PLXNA4: variants seen among roughly 807,000 people sequenced by gnomAD.
PLXNA4 encodes plexin A4.
In PLXNA4, 44 loss-of-function variants were observed where a neutral mutation model predicts 191.8. That is an observed-to-expected ratio of 0.23 (90% confidence interval 0.18 to 0.29). The LOEUF (loss-of-function observed/expected upper bound fraction) is 0.29. Among genes scored for constraint, PLXNA4 ranks in the 10% least tolerant of loss-of-function variants. The pLI is 1.00. For synonymous variants in PLXNA4, 1,082 were observed against 1,009.5 expected (o/e 1.07, Z -1.36); for missense variants, 1,800 against 2,488.8 (o/e 0.72, Z 5.89).
chr7:132,227,000 C>T (rs1321628365), intron 7 of PLXNA4, among the ~76,000 whole-genome samples: 1 of 152,252 alleles, frequency 6.6e-6, no homozygotes, highest in East Asian at 1.9e-4. Flanking sequence ...TTGCCCCCAA[C>T]AACAGGCAGC....
intron 1 of PLXNA4, among the ~76,000 whole-genome samples, chr7:132,520,038 G>A (rs2116353868): frequency 6.6e-6 from 1 of 152,330 alleles, no homozygotes; most frequent in Non-Finnish European, 1.5e-5. Flanking sequence ...CTTTGTGGAG[G>A]TGCAGGGCAG....
At chr7:132,579,668 G>A (rs1802365446), upstream of PLXNA4, among the ~76,000 whole-genome samples, 1 of 152,054 alleles carries the variant, frequency 6.6e-6, no homozygotes, top group Admixed American at 6.5e-5. Context: ...CCAAATGACA[G>A]GGAAGACACA....
chr7:132,223,494 A>C, intron 9 of PLXNA4, 33 bp downstream of exon 9: 1 of 1,551,100 alleles, frequency 6.4e-7, no homozygotes, highest in Non-Finnish European at 8.9e-7. Context: ...TCACAACAAG[A>C]GACACTCACC....
intron 3 of PLXNA4, among the ~76,000 whole-genome samples, chr7:132,330,231 G>A (rs1319138098): frequency 1.3e-5 from 2 of 152,234 alleles, no homozygotes; most frequent in Non-Finnish European, 2.9e-5. Flanking sequence ...TTTGGCTGGA[G>A]CTGAGTAGGG....
At chr7:132,564,200 TCTC>T (rs1801593173) in intron 1 of PLXNA4, among the ~76,000 whole-genome samples, 1 of 115,456 alleles carries the variant, frequency 8.7e-6, no homozygotes, top group African/African-American at 3.4e-5. Flanking sequence ...TCCCTCCTCT[TCTC>T]CTCCTCCTTC....
chr7:132,431,543 C>G (rs1795262299), intron 3 of PLXNA4, among the ~76,000 whole-genome samples: 1 of 152,202 alleles, frequency 6.6e-6, no homozygotes, highest in Non-Finnish European at 1.5e-5. Context: ...AGACGTGACT[C>G]AGAAGTTAAA....
intron 3 of PLXNA4, among the ~76,000 whole-genome samples, chr7:132,463,408 C>T (rs1796587744): frequency 6.6e-6 from 1 of 152,184 alleles, no homozygotes; most frequent in African/African-American, 2.4e-5. Context: ...GCTTTAATTT[C>T]CAGAGCCCTT....
intron 3 of PLXNA4, among the ~76,000 whole-genome samples, chr7:132,451,651 G>A (rs902900238): frequency 2.6e-5 from 4 of 152,214 alleles, no homozygotes; most frequent in Non-Finnish European, 5.9e-5. Flanking sequence ...AGTGAGCTGA[G>A]CTGTCATTGA....
intron 3 of PLXNA4, among the ~76,000 whole-genome samples, chr7:132,411,814 C>T (rs1469294145): frequency 1.3e-5 from 2 of 152,232 alleles, no homozygotes; most frequent in African/African-American, 4.8e-5. Flanking sequence ...GGAGCTTGGT[C>T]TCTCATTCAC....
intron 4 of PLXNA4, among the ~76,000 whole-genome samples, chr7:132,292,056 A>T (rs188068590): frequency 6.6e-4 from 100 of 152,234 alleles, no homozygotes; most frequent in African/African-American, 2.3e-3. Flanking sequence ...CAGCCTCCCA[A>T]AATGCTGGGA....
intron 31 of PLXNA4, among the ~76,000 whole-genome samples, chr7:132,132,776 T>C (rs538676310): frequency 1.3e-5 from 2 of 151,944 alleles, no homozygotes; most frequent in African/African-American, 4.8e-5. Flanking sequence ...AAAGAAGAAA[T>C]ACAGGAGAGA....
intron 5 of PLXNA4, among the ~76,000 whole-genome samples, chr7:132,228,965 C>T (rs889578116): frequency 1.3e-5 from 2 of 152,282 alleles, no homozygotes; most frequent in Admixed American, 6.5e-5. Context: ...TCTCTCCTGC[C>T]CACCCTAGGC....
chr7:132,637,527 G>T (rs1034853395), intron 2 of PLXNA4, among the ~76,000 whole-genome samples: 4 of 152,186 alleles, frequency 2.6e-5, no homozygotes, highest in Non-Finnish European at 4.4e-5. Flanking sequence ...TATTAGCAAA[G>T]ATGCCCCCAG....
chr7:132,230,767 T>G (rs1031522549), intron 5 of PLXNA4, among the ~76,000 whole-genome samples: 15 of 152,230 alleles, frequency 9.9e-5, no homozygotes, highest in African/African-American at 3.4e-4. Flanking sequence ...AATTATTCAC[T>G]GACTCCCCAA....
At chr7:132,303,951 G>A (rs887899036) in intron 3 of PLXNA4, among the ~76,000 whole-genome samples, 4 of 152,208 alleles carry the variant, frequency 2.6e-5, no homozygotes, top group African/African-American at 9.7e-5. Flanking sequence ...GGCGAGGCTA[G>A]TGGGCAGGGA....
chr7:132,310,030 C>T (rs577965608), intron 3 of PLXNA4, among the ~76,000 whole-genome samples: 1 of 152,188 alleles, frequency 6.6e-6, no homozygotes, highest in African/African-American at 2.4e-5. Context: ...ATGAGTGTGT[C>T]AACATCTTGA....
chr7:132,591,246 A>T (rs1268005045), intron 2 of PLXNA4, among the ~76,000 whole-genome samples: 1 of 152,312 alleles, frequency 6.6e-6, no homozygotes, highest in Non-Finnish European at 1.5e-5. Context: ...TGGGGACAAG[A>T]GGGAAGAAAA....
At chr7:132,648,214 TACACACTC>T in intron 1 of PLXNA4, among the ~76,000 whole-genome samples, 1 of 152,204 alleles carries the variant, frequency 6.6e-6, no homozygotes, top group South Asian at 2.1e-4. Context: ...TGCATACACT[TACACACTC>T]ACACATCGTG....
At chr7:132,369,043 A>C (rs1804315346) in intron 3 of PLXNA4, among the ~76,000 whole-genome samples, 1 of 152,030 alleles carries the variant, frequency 6.6e-6, no homozygotes, top group African/African-American at 2.4e-5. Context: ...TCCACATTTG[A>C]GTTTTCCTGC....
Sources: allele counts gnomAD v4.1 joint callset (sites outside exome capture counted in the v4.1 genomes callset), GRCh38; gene constraint gnomAD v4.1.1; transcripts MANE v1.5; gene names NCBI Gene and HGNC (gene_info 2026-07-23, HGNC 2026-07-21).